Variants in BAIAP2L1 observed in about 807,000 individuals in gnomAD.
The protein encoded by BAIAP2L1 is BAR/IMD domain containing adaptor protein 2 like 1.
Under a neutral mutation model 66.3 loss-of-function variants are expected in BAIAP2L1, and 35 were observed. The observed-to-expected ratio is 0.53, with a 90% CI of 0.40 to 0.70. The LOEUF is 0.70. Among genes scored for constraint, BAIAP2L1 ranks in the 30% least tolerant of loss-of-function variants. The probability of loss-of-function intolerance (pLI) is 0.00; values close to 1 mark genes in which losing one functional copy is unlikely to be tolerated. For missense variants in BAIAP2L1, 622 were observed against 656.9 expected, an observed-to-expected ratio of 0.95 and a Z score of 0.58; for synonymous variants, 269 against 248.7, an observed-to-expected ratio of 1.08 and a Z score of -0.77.
At chr7:98,355,179 G>A (rs368856205) in intron 2 of BAIAP2L1, 51 bp from the exon 3 acceptor site, 16 of 1,326,588 alleles carry the variant, frequency 1.2e-5, no homozygotes, top group African/African-American at 2.9e-5. Flanking sequence ...AGGAAAGGAG[G>A]AAGCAACACA....
At chr7:98,365,580 C>T (rs1336048515) in intron 1 of BAIAP2L1, among the ~76,000 whole-genome samples, 6 of 152,176 alleles carry the variant, frequency 3.9e-5, no homozygotes, top group East Asian at 1.9e-4. Flanking sequence ...AAGTGATCCT[C>T]GTGCCCCAAC....
At chr7:98,312,496 A>G (rs1324340554) in intron 7 of BAIAP2L1, among the ~76,000 whole-genome samples, 2 of 152,170 alleles carry the variant, frequency 1.3e-5, no homozygotes, top group African/African-American at 4.8e-5. Context: ...CCTCAGTGTG[A>G]ATACAGAGCA....
At position 98,294,485 on chromosome 7, in the gene BAIAP2L1, C is replaced by T. The variant is rs913315135; in HGVS notation, c.1423-374G>A. ...CGTGAACAGAGCATGGCACTGCCTGCGCGGGTCACCCGTGATGTCGGGAGC... is the reference window on the plus strand; with the variant it reads ...CGTGAACAGAGCATGGCACTGCCTGTGCGGGTCACCCGTGATGTCGGGAGC... On this transcript the variant is annotated intron_variant, in intron 12 of 13. Coordinates refer to ENST00000005260, the MANE Select transcript of BAIAP2L1 (RefSeq NM_018842.5). 1.2e-4 allele frequency among the ~76,000 whole-genome samples: 18 copies of T among 152,300 alleles called. No individual in the cohort carries two copies. The East Asian group carries it at 2.5e-3, about 21-fold the overall frequency.
chr7:98,295,198 GCCT>G (rs1178743603), intron 12 of BAIAP2L1, among the ~76,000 whole-genome samples: 1 of 152,204 alleles, frequency 6.6e-6, no homozygotes, highest in Admixed American at 6.5e-5. Flanking sequence ...CCCAGGCCAG[GCCT>G]CCTCTGGGAT....
Position 98,317,300 on chromosome 7 carries a change from T to C in BAIAP2L1, c.405A>G (p.Lys135=), listed in dbSNP as rs745936629. ...EHKNKLESLE[K]SQAELKKIRR... ...TGATCTTCTTCAACTCAGCTTGGGA[T>C]TTCTCCAAAGACTCTAATTTATTCT... Residue 135 remains lysine, a synonymous_variant, in exon 6 of 14, where the codon AAA becomes AAG. Transcript: ENST00000005260. The C allele has an allele frequency of 3.1e-6, 5 of 1,614,224 alleles. No homozygotes were observed. The Admixed American group carries it at 8.3e-5, about 27-fold the overall frequency.
intron 3 of BAIAP2L1, among the ~76,000 whole-genome samples, chr7:98,350,205 G>A (rs897978966): frequency 2.6e-5 from 4 of 152,074 alleles, no homozygotes; most frequent in East Asian, 1.9e-4. Context: ...CTCACATCTC[G>A]GGTGATGGTT....
intron 3 of BAIAP2L1, among the ~76,000 whole-genome samples, chr7:98,343,717 T>A (rs1194080153): frequency 6.6e-6 from 1 of 152,170 alleles, no homozygotes; most frequent in Non-Finnish European, 1.5e-5. Context: ...ATTATCCCAA[T>A]TGAAGCAAGC....
At chr7:98,311,649 T>G (rs1800875091) in intron 8 of BAIAP2L1, among the ~76,000 whole-genome samples, 1 of 151,886 alleles carries the variant, frequency 6.6e-6, no homozygotes, top group Non-Finnish European at 1.5e-5. Flanking sequence ...GGCTCATGCC[T>G]GTAATCCCAG....
At chr7:98,394,402 C>T (rs1404157630) in intron 1 of BAIAP2L1, among the ~76,000 whole-genome samples, 1 of 152,164 alleles carries the variant, frequency 6.6e-6, no homozygotes, top group Non-Finnish European at 1.5e-5. Flanking sequence ...TTTCCTAGGT[C>T]TTGGTTTGTC....
Position 98,382,920 on chromosome 7 carries a change from T to C in BAIAP2L1, c.51+17882A>G, listed in dbSNP as rs74742863. 4.6e-3 allele frequency among the ~76,000 whole-genome samples: 698 copies of C among 152,290 alleles called. 6 individuals carry two copies. Among genetic ancestry groups the C allele is most frequent in the African/African-American group, 0.016 (673 of 41,566 alleles). ...CGTTTGCTTTGTTCTTAGAGGTACA[T>C]GTTCTTATTTGAAAGAATGAAACCT... On this transcript the variant is annotated intron_variant, in intron 1 of 13. Transcript: ENST00000005260.
chr7:98,383,812 C>T (rs924598979), intron 1 of BAIAP2L1, among the ~76,000 whole-genome samples: 5 of 152,096 alleles, frequency 3.3e-5, no homozygotes, highest in African/African-American at 7.2e-5. Context: ...ATTATGCCTA[C>T]GTTGAGCCCA....
At chr7:98,393,573 C>A (rs1052385624) in intron 1 of BAIAP2L1, among the ~76,000 whole-genome samples, 1 of 151,896 alleles carries the variant, frequency 6.6e-6, no homozygotes, top group East Asian at 2.0e-4. Context: ...TCTCAGCTCA[C>A]TGCAAGCTCC....
chr7:98,306,611 C>CT, intron 10 of BAIAP2L1, 95 bp from the exon 11 acceptor site: 1 of 1,563,796 alleles, frequency 6.4e-7, no homozygotes, highest in Non-Finnish European at 8.7e-7. Context: ...GCAGACAGGT[C>CT]CACTGCTCCA....
chr7:98,339,224 T>C (rs1047389909), intron 3 of BAIAP2L1, among the ~76,000 whole-genome samples: 3 of 152,214 alleles, frequency 2.0e-5, no homozygotes, highest in African/African-American at 4.8e-5. Context: ...CCATTTTACA[T>C]GCCCACCAGC....
intron 12 of BAIAP2L1, among the ~76,000 whole-genome samples, chr7:98,302,529 C>CA (rs1800470851): frequency 6.6e-6 from 1 of 152,192 alleles, no homozygotes; most frequent in Admixed American, 6.5e-5. Context: ...AAAACAGCAA[C>CA]AGACTCTGAG....
At chr7:98,371,930 G>A (rs898499156) in intron 1 of BAIAP2L1, among the ~76,000 whole-genome samples, 4 of 151,884 alleles carry the variant, frequency 2.6e-5, no homozygotes, top group African/African-American at 7.2e-5. Context: ...GAGTAGCTGA[G>A]ACTACAGATG....
At chr7:98,342,301 G>A (rs530296568) in intron 3 of BAIAP2L1, among the ~76,000 whole-genome samples, 5 of 152,000 alleles carry the variant, frequency 3.3e-5, no homozygotes, top group East Asian at 3.9e-4. Context: ...CACCCACCTC[G>A]GCCTCCCAAA....
At chr7:98,324,372 A>C (rs953774994) in intron 3 of BAIAP2L1, among the ~76,000 whole-genome samples, 4 of 152,250 alleles carry the variant, frequency 2.6e-5, no homozygotes, top group Non-Finnish European at 5.9e-5. Context: ...GGTTGTGGAA[A>C]TCTCCAACAA....
At chr7:98,392,234 C>T (rs1803063751) in intron 1 of BAIAP2L1, among the ~76,000 whole-genome samples, 1 of 150,452 alleles carries the variant, frequency 6.6e-6, no homozygotes, top group Admixed American at 6.7e-5. Flanking sequence ...ATCCCAGCTA[C>T]TAAGGGAGGC....
Sources: allele counts gnomAD v4.1 joint callset (sites outside exome capture counted in the v4.1 genomes callset), GRCh38; gene constraint gnomAD v4.1.1; transcripts MANE v1.5; gene names NCBI Gene and HGNC (gene_info 2026-07-23, HGNC 2026-07-21).